Variants in MARCHF1 observed in about 807,000 individuals in gnomAD.
MARCHF1 encodes E3 ubiquitin-protein ligase MARCHF1.
A neutral mutation model predicts 54.2 loss-of-function variants in MARCHF1; 40 were observed. The observed-to-expected ratio is 0.74, with a 90% CI of 0.57 to 0.96. The LOEUF is 0.96. MARCHF1 is among the 40% of genes least tolerant of loss of function. The pLI is 0.00. For missense variants in MARCHF1, 586 were observed against 656.5 expected, an observed-to-expected ratio of 0.89 and a Z score of 1.17; for synonymous variants, 236 against 236.3, an observed-to-expected ratio of 1.00 and a Z score of 0.01.
intron 1 of MARCHF1, among the ~76,000 whole-genome samples, chr4:164,210,906 A>G (rs930914394): frequency 4.6e-5 from 7 of 152,180 alleles, no homozygotes; most frequent in African/African-American, 1.7e-4. Flanking sequence ...ATTTATAACA[A>G]CCTGAATGAA....
chr4:163,995,181 C>G (rs1243518307), intron 2 of MARCHF1, among the ~76,000 whole-genome samples: 1 of 151,996 alleles, frequency 6.6e-6, no homozygotes, highest in African/African-American at 2.4e-5. Flanking sequence ...ACAACCCCCT[C>G]CTTAGGTTCA....
At position 164,346,636 on chromosome 4, in the gene MARCHF1, A is replaced by G. The variant is rs555950374; in HGVS notation, c.-323+37234T>C. ...TATATATATATATATATATATATAT[A>G]TATATATATATATATATATATATAT... is the stretch of plus-strand genomic sequence containing the variant. On this transcript the variant is annotated intron_variant, in intron 1 of 9. Transcript: ENST00000514618. Among the ~76,000 whole-genome samples the G allele has an allele frequency of 7.3e-3, 215 of 29,598 alleles. 11 individuals carry two copies. Among genetic ancestry groups the G allele is most frequent in the South Asian group, 0.062 (86 of 1,382 alleles). 19.4% of individuals were successfully genotyped at this position (29,598 alleles called of 152,430 possible).
intron 2 of MARCHF1, among the ~76,000 whole-genome samples, chr4:164,054,388 C>T (rs1414485744): frequency 6.6e-6 from 1 of 151,780 alleles, no homozygotes; most frequent in Non-Finnish European, 1.5e-5. Context: ...GGATCTAGAA[C>T]TGGAAATACC....
At chr4:163,920,410 A>G (rs1751401435) in intron 3 of MARCHF1, among the ~76,000 whole-genome samples, 1 of 152,216 alleles carries the variant, frequency 6.6e-6, no homozygotes, top group Non-Finnish European at 1.5e-5. Flanking sequence ...GATACCTTGT[A>G]GTTTTTCTTA....
chr4:163,722,436 T>A (rs192788367), intron 4 of MARCHF1, among the ~76,000 whole-genome samples: 153 of 152,266 alleles, frequency 1.0e-3, no homozygotes, highest in African/African-American at 3.6e-3. Flanking sequence ...TGCTGAGGAG[T>A]GCTTTACTTC....
At chr4:163,878,291 T>C (rs756512810) in intron 3 of MARCHF1, among the ~76,000 whole-genome samples, 8 of 152,192 alleles carry the variant, frequency 5.3e-5, no homozygotes, top group Non-Finnish European at 8.8e-5. Context: ...GGCTTTGCTA[T>C]GATAAAAAGG....
At chr4:163,637,056 A>T (rs1742357547) in intron 5 of MARCHF1, among the ~76,000 whole-genome samples, 1 of 151,386 alleles carries the variant, frequency 6.6e-6, no homozygotes, top group African/African-American at 2.4e-5. Context: ...TAGAAAGCTG[A>T]AACTGGATCC....
At chr4:164,156,512 C>T (rs546254855) in intron 1 of MARCHF1, among the ~76,000 whole-genome samples, 1 of 152,082 alleles carries the variant, frequency 6.6e-6, no homozygotes, top group Admixed American at 6.6e-5. Context: ...CAACCTCTGC[C>T]TTCTGGGCTC....
At chr4:163,747,064 C>T (rs895259433) in intron 4 of MARCHF1, among the ~76,000 whole-genome samples, 2 of 152,058 alleles carry the variant, frequency 1.3e-5, no homozygotes, top group African/African-American at 2.4e-5. Flanking sequence ...CCAATGGTAC[C>T]GTCGAATAGG....
chr4:164,109,385 A>G (rs190212164), intron 2 of MARCHF1, among the ~76,000 whole-genome samples: 4 of 152,120 alleles, frequency 2.6e-5, no homozygotes, highest in East Asian at 1.9e-4. Flanking sequence ...ATCTACACTA[A>G]TAACAGTCCA....
At chr4:164,308,884 T>C (rs1734767911) in intron 1 of MARCHF1, among the ~76,000 whole-genome samples, 1 of 150,882 alleles carries the variant, frequency 6.6e-6, no homozygotes, top group African/African-American at 2.4e-5. Context: ...GATGAAATAA[T>C]CTGTACAACA....
At chr4:163,661,666 A>G (rs931081364) in intron 5 of MARCHF1, among the ~76,000 whole-genome samples, 2 of 152,074 alleles carry the variant, frequency 1.3e-5, no homozygotes, top group Non-Finnish European at 2.9e-5. Flanking sequence ...ATACAATTTA[A>G]TAGGTTTTGA....
At chr4:163,640,494 T>C (rs762390522) in intron 5 of MARCHF1, among the ~76,000 whole-genome samples, 1 of 152,166 alleles carries the variant, frequency 6.6e-6, no homozygotes, top group East Asian at 1.9e-4. Flanking sequence ...GAAGAAACTT[T>C]TGAGGTCCAC....
chr4:164,277,253 T>A (rs1733911277), intron 1 of MARCHF1, among the ~76,000 whole-genome samples: 1 of 152,136 alleles, frequency 6.6e-6, no homozygotes, highest in Non-Finnish European at 1.5e-5. Context: ...CCCTACTGTA[T>A]CACCAGGGGC....
intron 1 of MARCHF1, among the ~76,000 whole-genome samples, chr4:164,164,278 A>G (rs2110951959): frequency 6.6e-6 from 1 of 152,082 alleles, no homozygotes; most frequent in Non-Finnish European, 1.5e-5. Context: ...AAATTCATGA[A>G]AAGCCATAGA....
intron 4 of MARCHF1, among the ~76,000 whole-genome samples, chr4:163,821,255 T>C (rs1191441667): frequency 6.6e-6 from 1 of 152,026 alleles, no homozygotes; most frequent in Non-Finnish European, 1.5e-5. Flanking sequence ...ACGGCCTTAT[T>C]TTCTAATTGT....
At chr4:163,969,355 T>C (rs772183001) in intron 3 of MARCHF1, among the ~76,000 whole-genome samples, 2 of 152,190 alleles carry the variant, frequency 1.3e-5, no homozygotes, top group Non-Finnish European at 1.5e-5. Context: ...AGCAAATTTT[T>C]GCTGGAATGA....
chr4:163,994,967 G>T (rs1753045874), intron 2 of MARCHF1, among the ~76,000 whole-genome samples: 1 of 152,030 alleles, frequency 6.6e-6, no homozygotes, highest in Non-Finnish European at 1.5e-5. Flanking sequence ...GTGACCAAAT[G>T]TGTAGGTTTT....
intron 9 of MARCHF1, among the ~76,000 whole-genome samples, chr4:163,534,441 G>GTTC (rs968041349): frequency 2.3e-5 from 3 of 132,438 alleles, no homozygotes; most frequent in African/African-American, 7.8e-5. Context: ...GTAAAATAGA[G>GTTC]TAACTCTGAA....
Sources: gnomAD v4.1 joint callset for allele counts (sites outside exome capture counted in the v4.1 genomes callset) on GRCh38, gnomAD v4.1.1 for gene constraint, MANE v1.5 for transcripts, NCBI Gene and HGNC (gene_info 2026-07-23, HGNC 2026-07-21) for gene names.